Variants in ARMCX4 observed in about 807,000 individuals in gnomAD.
ARMCX4 encodes the protein armadillo repeat-containing X-linked protein 4.
Under a neutral mutation model 34.7 loss-of-function variants are expected in ARMCX4, and 3 were observed. That is an observed-to-expected ratio of 0.09 (90% CI 0.04 to 0.22). The LOEUF is 0.22. Among genes scored for constraint, ARMCX4 ranks in the 10% least tolerant of loss-of-function variants. The probability of loss-of-function intolerance (pLI) is 1.00; values close to 1 mark genes in which losing one functional copy is unlikely to be tolerated. For missense variants in ARMCX4, 1,448 were observed against 1,720.8 expected (o/e 0.84, Z 2.81); for synonymous variants, 513 against 632.8 (o/e 0.81, Z 2.84).
At chrX:101,512,860 G>GTGTATATATGTA (rs1556016760) in intron 11 of ARMCX4, among the ~76,000 whole-genome samples, 2 of 97,355 alleles carry the variant, frequency 2.1e-5, no homozygotes, top group Non-Finnish European at 4.1e-5. Context: ...GTGTATATAT[G>GTGTATATATGTA]TATATATATG....
intron 2 of ARMCX4, among the ~76,000 whole-genome samples, chrX:101,442,732 C>T (rs1400464967): frequency 1.8e-5 from 2 of 111,203 alleles, no homozygotes; most frequent in African/African-American, 3.3e-5. Context: ...AAAGGCTTCC[C>T]AGACCTCTCT....
Position 101,494,839 on chromosome X carries a change from G to A in ARMCX4, c.6250G>A (p.Gly2084Arg), listed in dbSNP as rs782269836. The A allele has an allele frequency of 8.7e-7, 1 of 1,154,372 alleles. No homozygotes were observed. Among genetic ancestry groups the A allele is most frequent in the South Asian group, 1.9e-5 (1 of 52,676 alleles). ...TCATGAAGTTGTTCGTAATGTAGGT[G>A]GAATTTCAGTTATTGAAAGCTTGCT... ...YSHEVVRNVG[G>R]ISVIESLLNN... The change falls in exon 6 of 6, where the codon GGA becomes AGA. Residue 2084 changes from glycine to arginine, a missense_variant. Physicochemically the swap from Gly to Arg is moderately radical, Grantham distance 125. Around this residue, in one of 2 missense-constraint regions of ARMCX4, gnomAD observed 105 missense variants for 180.2 expected, o/e 0.58. Coordinates refer to ENST00000423738, the MANE Select transcript of ARMCX4 (RefSeq NM_001256155.3).
chrX:101,424,121 CCA>C (rs1929456607), intron 2 of ARMCX4, among the ~76,000 whole-genome samples: 2 of 111,081 alleles, frequency 1.8e-5, no homozygotes, highest in Admixed American at 1.9e-4. Flanking sequence ...CCTCGGCCTC[CCA>C]AAGTGCTGGG....
intron 11 of ARMCX4, among the ~76,000 whole-genome samples, chrX:101,515,414 T>TCTTCCTTCCTTCCTTC (rs1159233873): frequency 8.1e-5 from 1 of 12,328 alleles, no homozygotes; most frequent in Non-Finnish European, 1.4e-4. Context: ...TCCCTCCCTC[T>TCTTCCTTCCTTCCTTC]CTTCCTTCCT....
chrX:101,470,597 G>A (rs1932878214), intron 4 of ARMCX4, among the ~76,000 whole-genome samples: 2 of 112,051 alleles, frequency 1.8e-5, no homozygotes, highest in South Asian at 7.4e-4. Flanking sequence ...GGGATTATAG[G>A]TGTGAGCTGC....
intron 4 of ARMCX4, among the ~76,000 whole-genome samples, chrX:101,453,308 T>G (rs1436566700): frequency 8.9e-6 from 1 of 112,505 alleles, no homozygotes; most frequent in African/African-American, 3.2e-5. Flanking sequence ...CCACTAACAT[T>G]AATACTCTGA....
At position 101,491,333 on chromosome X, in the gene ARMCX4, A is replaced by G. The variant is rs782333484; in HGVS notation, c.2744A>G (p.Asn915Ser). Reference protein sequence around the residue: ...MGSAQPQVVANSQRETLPGAR... With the variant: ...MGSAQPQVVASSQRETLPGAR... Reference sequence around the variant, plus strand: ...TCTGCCCAGCCTCAGGTTGTGGCCAACTCCCAGCGTGAGACCTTGCCTGGT... The same window carrying G: ...TCTGCCCAGCCTCAGGTTGTGGCCAGCTCCCAGCGTGAGACCTTGCCTGGT... The change falls in exon 6 of 6, where the codon AAC becomes AGC. Residue 915 changes from asparagine (N) to serine (S), a missense_variant. By Grantham distance (46) the Asn-to-Ser change is conservative (BLOSUM62 1). This residue lies in a region of ARMCX4 where 1,343 missense variants were observed against 1,540.7 expected (regional missense o/e 0.87). Coordinates refer to ENST00000423738, the MANE Select transcript of ARMCX4 (RefSeq NM_001256155.3). 247 of 1,145,438 alleles carry G rather than the reference A, an allele frequency of 2.2e-4. 1 individual carries two copies. In the African/African-American group the frequency reaches 2.7e-3, roughly 13 times the overall value. The allele number at this position is 1,145,438 out of a possible 1,213,427, so 94.4% of individuals were successfully genotyped here. A position where few individuals can be genotyped will look rare whatever the true frequency, so the allele number is the denominator to read the frequency against.
At chrX:101,470,584 G>T (rs1350523798) in intron 4 of ARMCX4, among the ~76,000 whole-genome samples, 1 of 112,018 alleles carries the variant, frequency 8.9e-6, no homozygotes, top group Non-Finnish European at 1.9e-5. Context: ...CTCCCAAAGT[G>T]CTGGGATTAT....
At chrX:101,512,528 T>C (rs1734857086) in intron 11 of ARMCX4, among the ~76,000 whole-genome samples, 1 of 110,849 alleles carries the variant, frequency 9.0e-6, no homozygotes, top group Admixed American at 9.6e-5. Flanking sequence ...CATGGGAGAT[T>C]GGAGTTTCCG....
intron 2 of ARMCX4, among the ~76,000 whole-genome samples, chrX:101,422,950 C>T (rs1351427608): frequency 1.8e-5 from 2 of 110,763 alleles, no homozygotes; most frequent in Non-Finnish European, 3.8e-5. Context: ...CACTATGTTG[C>T]CCAGATTGGA....
chrX:101,520,929 C>CTT (rs201578184), intron 11 of ARMCX4, among the ~76,000 whole-genome samples: 7 of 94,763 alleles, frequency 7.4e-5, no homozygotes, highest in African/African-American at 2.3e-4. Context: ...AATTAAATGT[C>CTT]TTTTTTTTTT....
At chrX:101,436,959 G>A (rs1377230458) in intron 2 of ARMCX4, among the ~76,000 whole-genome samples, 18 of 111,825 alleles carry the variant, frequency 1.6e-4, no homozygotes, top group African/African-American at 3.9e-4. Context: ...ATTGATTTGC[G>A]TATGTTGAAC....
At chrX:101,511,363 T>C (rs1367851016) in intron 11 of ARMCX4, among the ~76,000 whole-genome samples, 2 of 111,733 alleles carry the variant, frequency 1.8e-5, no homozygotes, top group Admixed American at 9.5e-5. Flanking sequence ...TGACCTCTGA[T>C]TGTTTCTTTT....
At position 101,492,402 on chromosome X, in the gene ARMCX4, C is replaced by T. The variant is rs1556009716; in HGVS notation, c.3813C>T (p.Asn1271=). The change falls in exon 6 of 6, where the codon AAC becomes AAT. Residue 1271 remains asparagine (N), a synonymous_variant. Coordinates refer to ENST00000423738, the MANE Select transcript of ARMCX4 (RefSeq NM_001256155.3). ...GAGGGTCCTGGACTGGGGCTGAGAACCAAGCCAGTGAAGGGTCTTGGGCTG... is the reference window on the plus strand; with the variant it reads ...GAGGGTCCTGGACTGGGGCTGAGAATCAAGCCAGTGAAGGGTCTTGGGCTG... ...AIGGSWTGAE[N]QASEGSWAGA... 1 of 1,152,483 alleles carries T rather than the reference C, an allele frequency of 8.7e-7. No homozygotes were observed. 95.0% of individuals were successfully genotyped at this position (1,152,483 alleles called of 1,213,427 possible). A position where few individuals can be genotyped will look rare whatever the true frequency, so the allele number is the denominator to read the frequency against.
chrX:101,423,434 A>G (rs1344338434), intron 2 of ARMCX4, among the ~76,000 whole-genome samples: 3 of 106,137 alleles, frequency 2.8e-5, no homozygotes, highest in East Asian at 3.2e-4. Flanking sequence ...CCTGACCAAC[A>G]TCGTGAAACC....
intron 2 of ARMCX4, among the ~76,000 whole-genome samples, chrX:101,432,609 C>T (rs1022670712): frequency 3.7e-5 from 4 of 108,485 alleles, no homozygotes; most frequent in South Asian, 3.9e-4. Flanking sequence ...TGCAGTGAGC[C>T]GAGATCCTGC....
At chrX:101,457,708 C>T (rs1271319044) in intron 4 of ARMCX4, among the ~76,000 whole-genome samples, 3 of 110,811 alleles carry the variant, frequency 2.7e-5, no homozygotes, top group Non-Finnish European at 5.7e-5. Context: ...GGCAACAAAG[C>T]GAGACTGCAT....
chrX:101,455,161 C>T (rs1290525127), intron 4 of ARMCX4, among the ~76,000 whole-genome samples: 1 of 111,553 alleles, frequency 9.0e-6, no homozygotes, highest in Admixed American at 9.6e-5. Flanking sequence ...GAGAGGATTC[C>T]AGGTAGAAGG....
intron 2 of ARMCX4, among the ~76,000 whole-genome samples, chrX:101,441,721 G>T (rs1280711187): frequency 1.8e-5 from 2 of 111,485 alleles, no homozygotes; most frequent in East Asian, 5.6e-4. Flanking sequence ...TTTCAATTAT[G>T]TGCGTGAACT....
Sources: allele counts gnomAD v4.1 joint callset (sites outside exome capture counted in the v4.1 genomes callset), GRCh38; gene constraint gnomAD v4.1.1; regional missense constraint gnomAD v4.1.1; transcripts MANE v1.5; gene names NCBI Gene and HGNC (gene_info 2026-07-23, HGNC 2026-07-21).